LAMC1: variants seen among roughly 807,000 people sequenced by gnomAD.
LAMC1 encodes the protein laminin subunit gamma-1.
In LAMC1, 38 loss-of-function variants were observed where a neutral mutation model predicts 173.6. The observed-to-expected ratio is 0.22, with a 90% CI of 0.17 to 0.29. LAMC1 has a LOEUF of 0.29. LAMC1 is among the 10% of genes least tolerant of loss of function. The pLI, the probability that LAMC1 is intolerant of heterozygous loss-of-function variation, is 1.00. For synonymous variants in LAMC1, 746 were observed against 749.1 expected, an observed-to-expected ratio of 1.00 and a Z score of 0.07; for missense variants, 1,824 against 2,051.8, an observed-to-expected ratio of 0.89 and a Z score of 2.14.
intron 26 of LAMC1, chr1:183,138,221 A>G (rs1229412995): frequency 3.1e-6 from 3 of 975,934 alleles, no homozygotes; most frequent in African/African-American, 3.5e-5. Context: ...TTTCTTGTAT[A>G]TAAGAAATTT....
At chr1:183,055,792 A>T (rs1268579607) in intron 1 of LAMC1, among the ~76,000 whole-genome samples, 1 of 152,124 alleles carries the variant, frequency 6.6e-6, no homozygotes, top group Non-Finnish European at 1.5e-5. Flanking sequence ...AGCCTGGGCA[A>T]CAGAGGGAGA....
chr1:183,132,267 G>C (rs1350637788), intron 20 of LAMC1, 133 bp from the exon 21 acceptor site: 1 of 593,112 alleles, frequency 1.7e-6, no homozygotes, highest in Non-Finnish European at 2.7e-6. Flanking sequence ...ACACCAGCCT[G>C]GGTGACAGAG....
At chr1:183,099,929 C>T (rs1655790484) in intron 1 of LAMC1, among the ~76,000 whole-genome samples, 1 of 152,154 alleles carries the variant, frequency 6.6e-6, no homozygotes. Context: ...CCAGTCCTGC[C>T]CACGCTTCTC....
chr1:183,125,564 G>A lies in LAMC1; in HGVS notation c.2801+14G>A, dbSNP rs1353913624. ...AGGCTGTGAGAGGTGAGACATAGGT[G>A]CCTTTGGTGAAAGTAATCTTTGCTT... On this transcript the variant is annotated intron_variant, in intron 15 of 27. Coordinates refer to ENST00000258341, the MANE Select transcript of LAMC1 (RefSeq NM_002293.4). 6.5e-7 allele frequency: 1 copy of A among 1,527,032 alleles called. No homozygotes were observed. The highest frequency in any genetic ancestry group is 8.8e-7 in the Non-Finnish European group (1 of 1,136,906). The allele number at this position is 1,527,032 out of a possible 1,614,324, so 94.6% of individuals were successfully genotyped here.
At chr1:183,086,065 C>CATAA (rs1655419336) in intron 1 of LAMC1, among the ~76,000 whole-genome samples, 1 of 152,050 alleles carries the variant, frequency 6.6e-6, no homozygotes, top group African/African-American at 2.4e-5. Flanking sequence ...TGCCTATATC[C>CATAA]ATAAATAAAT....
chr1:183,039,018 C>G (rs1654055459), intron 1 of LAMC1, among the ~76,000 whole-genome samples: 1 of 151,992 alleles, frequency 6.6e-6, no homozygotes, highest in Admixed American at 6.5e-5. Flanking sequence ...GCGTAGTTGC[C>G]TTGGGTGAGC....
chr1:183,125,204 C>A, intron 14 of LAMC1, 193 bp from the exon 15 acceptor site: 3 of 615,164 alleles, frequency 4.9e-6, no homozygotes, highest in South Asian at 2.0e-5. Flanking sequence ...CCTTCAAAAT[C>A]CAGTGTGTAT....
chr1:183,126,082 T>C, intron 15 of LAMC1, 38 bp from the exon 16 acceptor site: 1 of 1,587,338 alleles, frequency 6.3e-7, no homozygotes, highest in Non-Finnish European at 8.5e-7. Context: ...TTAAAGTCTG[T>C]TTTTCTTGCC....
At chr1:183,141,705 G>C (rs1403141450) in intron 27 of LAMC1, among the ~76,000 whole-genome samples, 1 of 152,196 alleles carries the variant, frequency 6.6e-6, no homozygotes, top group Non-Finnish European at 1.5e-5. Flanking sequence ...CCAACAGATG[G>C]ATATAAAATG....
intron 1 of LAMC1, among the ~76,000 whole-genome samples, chr1:183,067,256 T>TA (rs1305788854): frequency 6.6e-6 from 1 of 151,974 alleles, no homozygotes; most frequent in African/African-American, 2.4e-5. Context: ...TTTCAGAAAT[T>TA]AAAAAAAATC....
chr1:183,096,214 G>C (rs928929249), intron 1 of LAMC1, among the ~76,000 whole-genome samples: 7 of 110,416 alleles, frequency 6.3e-5, no homozygotes, highest in Non-Finnish European at 1.3e-4. Flanking sequence ...TTGTCTTTTT[G>C]GCTTAAACTT....
intron 1 of LAMC1, among the ~76,000 whole-genome samples, chr1:183,050,682 A>G (rs1654400262): frequency 6.7e-6 from 1 of 149,072 alleles, no homozygotes; most frequent in African/African-American, 2.4e-5. Flanking sequence ...ACATGAGGTC[A>G]GGAGTTCGAG....
At chr1:183,133,359 C>T (rs1182805020) in intron 21 of LAMC1, 47 bp from the exon 22 acceptor site, 1 of 1,546,524 alleles carries the variant, frequency 6.5e-7, no homozygotes, top group African/African-American at 1.4e-5. Flanking sequence ...CATTAAGATG[C>T]TAAAAGCAGC....
At chr1:183,050,134 ATGT>A (rs917967824) in intron 1 of LAMC1, among the ~76,000 whole-genome samples, 8 of 152,058 alleles carry the variant, frequency 5.3e-5, no homozygotes, top group Admixed American at 6.5e-5. Flanking sequence ...AGCTTTTATT[ATGT>A]TGTTTAGTCA....
At chr1:183,079,951 G>A (rs923936477) in intron 1 of LAMC1, among the ~76,000 whole-genome samples, 7 of 152,108 alleles carry the variant, frequency 4.6e-5, no homozygotes, top group Non-Finnish European at 7.4e-5. Flanking sequence ...TGTCAAAAAC[G>A]TGTTTTTTTT....
At position 183,108,174 on chromosome 1, in the gene LAMC1, G is replaced by A. The variant is rs1251299355; in HGVS notation, c.724-102G>A. The A allele has an allele frequency of 7.2e-6, 8 of 1,103,596 alleles. 1 individual carries two copies. In the Admixed American group the frequency reaches 9.8e-5, roughly 14 times the overall value. The allele number at this position is 1,103,596 out of a possible 1,614,324, so 68.4% of individuals were successfully genotyped here. On this transcript the variant is annotated intron_variant, in intron 2 of 27. Coordinates refer to ENST00000258341, the MANE Select transcript of LAMC1 (RefSeq NM_002293.4). ...AGATTTAGTGCTAAAGAGGGCGTAA[G>A]TTAAATGATAATAAGTTAGTGATTT... is the stretch of plus-strand genomic sequence containing the variant.
intron 1 of LAMC1, among the ~76,000 whole-genome samples, chr1:183,052,647 T>A (rs1176221733): frequency 6.6e-6 from 1 of 152,136 alleles, no homozygotes; most frequent in African/African-American, 2.4e-5. Flanking sequence ...TTAACTTTCT[T>A]TTTCTTACAT....
chr1:183,082,408 G>C (rs530242435), intron 1 of LAMC1, among the ~76,000 whole-genome samples: 1 of 152,324 alleles, frequency 6.6e-6, no homozygotes, highest in East Asian at 1.9e-4. Flanking sequence ...ATACTAAAGA[G>C]ATTGCAATGT....
rs371885067 is a variant in LAMC1 at position 183,140,461 on chromosome 1, A to G, written c.4531A>G (p.Thr1511Ala). ...TGCCAGAAAAGCCAAAAACTCTGTT[A>G]CTAGCCTCCTCAGCATTATTAATGA... ...INARKAKNSV[T>A]SLLSIINDLL... Residue 1511 changes from threonine (T) to alanine (A), a missense_variant, in exon 27 of 28, where the codon ACT (threonine) becomes GCT (alanine). Physicochemically the swap from Thr to Ala is moderately conservative, Grantham distance 58. Transcript: ENST00000258341. The G allele has an allele frequency of 6.8e-6, 11 of 1,613,652 alleles. No individual in the cohort carries two copies. Among genetic ancestry groups the G allele is most frequent in the Non-Finnish European group, 9.3e-6 (11 of 1,179,832 alleles).
Sources: gnomAD v4.1 joint callset for allele counts (sites outside exome capture counted in the v4.1 genomes callset) on GRCh38, gnomAD v4.1.1 for gene constraint, MANE v1.5 for transcripts, NCBI Gene and HGNC (gene_info 2026-07-23, HGNC 2026-07-21) for gene names.